Variants in EPHB1 observed in about 807,000 individuals in gnomAD.
The protein encoded by EPHB1 is EPH receptor B1, also known as ephrin type-B receptor 1.
Under a neutral mutation model 94.4 loss-of-function variants are expected in EPHB1, and 30 were observed. The observed-to-expected ratio is 0.32, with a 90% confidence interval of 0.24 to 0.43. The LOEUF (loss-of-function observed/expected upper bound fraction) is 0.43, where lower values mean the gene tolerates loss of function less well. Among genes scored for constraint, EPHB1 ranks in the 20% least tolerant of loss-of-function variants. The pLI is 1.00. For synonymous variants in EPHB1, 522 were observed against 489.1 expected (o/e 1.07, Z -0.89); for missense variants, 1,055 against 1,308.3 (o/e 0.81, Z 2.99).
chr3:134,941,319 A>G (rs2039111980), intron 2 of EPHB1, among the ~76,000 whole-genome samples: 1 of 148,342 alleles, frequency 6.7e-6, no homozygotes, highest in Non-Finnish European at 1.5e-5. Context: ...TTGCTCAACC[A>G]TCTCACTAAT....
At chr3:135,252,429 T>C (rs1221210574) in intron 15 of EPHB1, among the ~76,000 whole-genome samples, 4 of 137,584 alleles carry the variant, frequency 2.9e-5, no homozygotes, top group Non-Finnish European at 4.6e-5. Flanking sequence ...TGTGATCTCA[T>C]TGTTCAATTC....
At chr3:135,011,189 A>G (rs189736548) in intron 3 of EPHB1, among the ~76,000 whole-genome samples, 1 of 152,306 alleles carries the variant, frequency 6.6e-6, no homozygotes, top group African/African-American at 2.4e-5. Flanking sequence ...ACATTGCTTC[A>G]GTGTCTTATG....
At chr3:135,202,507 T>C (rs1475979440) in intron 12 of EPHB1, among the ~76,000 whole-genome samples, 1 of 152,230 alleles carries the variant, frequency 6.6e-6, no homozygotes, top group Non-Finnish European at 1.5e-5. Flanking sequence ...CCTGGATTGT[T>C]ACAGTGGCTT....
intron 11 of EPHB1, among the ~76,000 whole-genome samples, chr3:135,199,415 C>T (rs779031175): frequency 2.6e-5 from 4 of 152,210 alleles, no homozygotes; most frequent in African/African-American, 4.8e-5. Context: ...AGATCTGCAT[C>T]ACTCACTGCA....
chr3:135,166,022 C>T lies in EPHB1; in HGVS notation c.1640C>T (p.Ala547Val), dbSNP rs1257672576. The T allele has an allele frequency of 8.7e-6, 14 of 1,613,836 alleles. No homozygotes were observed. The highest frequency in any genetic ancestry group is 2.2e-5 in the East Asian group (1 of 44,892). ...CTGCCCCTGATTGCTGGCTCGGCAG[C>T]GGCCGGGGTCGTGTTCGTTGTGTCC... Reference protein sequence around the residue: ...EQLPLIAGSAAAGVVFVVSLV... With the variant: ...EQLPLIAGSAVAGVVFVVSLV... Residue 547 changes from alanine (A) to valine (V), a missense_variant, in exon 8 of 16, where the codon GCG becomes GTG. Transcript: ENST00000398015.
intron 1 of EPHB1, among the ~76,000 whole-genome samples, chr3:134,905,267 G>A (rs1457855550): frequency 6.6e-6 from 1 of 152,214 alleles, no homozygotes; most frequent in Non-Finnish European, 1.5e-5. Flanking sequence ...GCTGGCTGAG[G>A]GGGCCCCAGG....
intron 6 of EPHB1, among the ~76,000 whole-genome samples, chr3:135,161,021 T>C (rs1374346531): frequency 6.6e-6 from 1 of 152,188 alleles, no homozygotes; most frequent in Non-Finnish European, 1.5e-5. Flanking sequence ...ATGATAGTTT[T>C]TAAGAAAAGA....
intron 4 of EPHB1, among the ~76,000 whole-genome samples, chr3:135,123,849 G>A (rs1443883675): frequency 1.3e-5 from 2 of 151,644 alleles, no homozygotes; most frequent in South Asian, 4.1e-4. Context: ...TCTGGCCCAA[G>A]CCACCATCAC....
intron 3 of EPHB1, among the ~76,000 whole-genome samples, chr3:135,045,222 C>G (rs1936964191): frequency 6.6e-6 from 1 of 151,730 alleles, no homozygotes; most frequent in Non-Finnish European, 1.5e-5. Context: ...GCAATGACAC[C>G]AAAATGCACT....
At chr3:135,183,260 C>T (rs1559865641) in intron 10 of EPHB1, among the ~76,000 whole-genome samples, 1 of 140,716 alleles carries the variant, frequency 7.1e-6, no homozygotes, top group Non-Finnish European at 1.5e-5. Context: ...TCCTTCCTTC[C>T]TTCCTTCCTT....
chr3:135,024,492 A>G (rs33952280), intron 3 of EPHB1, among the ~76,000 whole-genome samples: 38,725 of 152,042 alleles, frequency 0.25, 6,431 homozygotes, highest in East Asian at 0.71. Flanking sequence ...ACGGATGGAC[A>G]TCGCCAGAAT....
intron 1 of EPHB1, among the ~76,000 whole-genome samples, chr3:134,842,838 C>T (rs960936808): frequency 7.2e-5 from 11 of 152,144 alleles, no homozygotes; most frequent in African/African-American, 2.4e-4. Flanking sequence ...TGTCCTTACC[C>T]CTCCTTTGTG....
chr3:135,202,274 G>C (rs7612853), intron 12 of EPHB1, among the ~76,000 whole-genome samples: 51,318 of 151,998 alleles, frequency 0.34, 9,850 homozygotes, highest in African/African-American at 0.5. Context: ...TTAACAAGCC[G>C]AAAATAGAGC....
intron 1 of EPHB1, among the ~76,000 whole-genome samples, chr3:134,811,129 G>C (rs1477595326): frequency 6.6e-6 from 1 of 151,974 alleles, no homozygotes; most frequent in Non-Finnish European, 1.5e-5. Flanking sequence ...TCCACTCTCA[G>C]GTCTGGGGGC....
Position 135,239,318 on chromosome 3 carries a change from T to C in EPHB1, c.2347-1830T>C, listed in dbSNP as rs559341970. 5.3e-5 allele frequency among the ~76,000 whole-genome samples: 8 copies of C among 152,192 alleles called. No individual in the cohort carries two copies. The East Asian group carries it at 1.5e-3, about 29-fold the overall frequency. On this transcript the variant is annotated intron_variant, in intron 12 of 15. Transcript: ENST00000398015. ...TTTTCTGCCTAGCTCGGGTTAACCA[T>C]TTTTACATTTTTACAGTATTTTTGC... is the stretch of plus-strand genomic sequence containing the variant.
chr3:135,219,890 T>A (rs1391723642), intron 12 of EPHB1, among the ~76,000 whole-genome samples: 1 of 152,142 alleles, frequency 6.6e-6, no homozygotes, highest in East Asian at 1.9e-4. Context: ...TGTTGTAGTG[T>A]TTGCCTTATG....
chr3:135,111,069 G>C (rs1939423074), intron 4 of EPHB1, among the ~76,000 whole-genome samples: 1 of 152,176 alleles, frequency 6.6e-6, no homozygotes, highest in Admixed American at 6.5e-5. Flanking sequence ...GGCCTCTGCA[G>C]CCAGGTTTGG....
At chr3:135,080,263 G>A (rs537963509) in intron 3 of EPHB1, among the ~76,000 whole-genome samples, 2 of 152,326 alleles carry the variant, frequency 1.3e-5, no homozygotes, top group South Asian at 4.1e-4. Flanking sequence ...GGCTCAGAAT[G>A]AGGCTTCACA....
chr3:135,052,985 G>GTATATA (rs1937225307), intron 3 of EPHB1, among the ~76,000 whole-genome samples: 1 of 114,252 alleles, frequency 8.8e-6, no homozygotes, highest in Non-Finnish European at 1.7e-5. Context: ...ATATATATGT[G>GTATATA]TGTGTATATA....
Sources: gnomAD v4.1 joint callset for allele counts (sites outside exome capture counted in the v4.1 genomes callset) on GRCh38, gnomAD v4.1.1 for gene constraint, MANE v1.5 for transcripts, NCBI Gene and HGNC (gene_info 2026-07-23, HGNC 2026-07-21) for gene names.